Variants in CDH18 observed in about 807,000 individuals in gnomAD.
CDH18 encodes cadherin-18.
A neutral mutation model predicts 67.9 loss-of-function variants in CDH18; 31 were observed. The ratio of observed to expected loss-of-function variants is 0.46; its 90% CI spans 0.34 to 0.62. The LOEUF is 0.62. Among genes scored for constraint, CDH18 ranks in the 20% least tolerant of loss-of-function variants. The probability of loss-of-function intolerance (pLI) is 0.01; values close to 1 mark genes in which losing one functional copy is unlikely to be tolerated. For synonymous variants in CDH18, 362 were observed against 347.2 expected, an observed-to-expected ratio of 1.04 and a Z score of -0.48; for missense variants, 890 against 975.5, an observed-to-expected ratio of 0.91 and a Z score of 1.17.
chr5:20,298,328 G>A (rs1302526203), intron 1 of CDH18, among the ~76,000 whole-genome samples: 9 of 152,100 alleles, frequency 5.9e-5, no homozygotes, highest in East Asian at 5.8e-4. Context: ...GGTAACTTAC[G>A]GTGCAACAGA....
chr5:19,894,987 C>T (rs1433544927), intron 2 of CDH18, among the ~76,000 whole-genome samples: 1 of 152,102 alleles, frequency 6.6e-6, no homozygotes, highest in Non-Finnish European at 1.5e-5. Context: ...GTTCTCATTG[C>T]AAATGTTTAG....
intron 3 of CDH18, among the ~76,000 whole-genome samples, chr5:19,823,945 A>G (rs1780150034): frequency 6.6e-6 from 1 of 152,200 alleles, no homozygotes; most frequent in Non-Finnish European, 1.5e-5. Context: ...ACACAATTAC[A>G]TGAAAGTTAA....
rs371861478 is a variant in CDH18, at chr5:19,517,578, C to T, written c.1512+3079G>A. Among the ~76,000 whole-genome samples, 139 of 151,994 alleles carry T rather than the reference C, an allele frequency of 9.1e-4. 2 individuals are homozygous for T. The South Asian group carries it at 0.028, about 31-fold the overall frequency. On this transcript the variant is annotated intron_variant, in intron 10 of 12. Coordinates refer to ENST00000382275, the MANE Select transcript of CDH18 (RefSeq NM_004934.5). ...GATTGTGGTATCACCTATCTTTTTTCTCTTGCTGCTTTTACTTTTGCTAAT... is the reference window on the plus strand; with the variant it reads ...GATTGTGGTATCACCTATCTTTTTTTTCTTGCTGCTTTTACTTTTGCTAAT...
At chr5:19,870,564 C>A (rs1786147956) in intron 2 of CDH18, among the ~76,000 whole-genome samples, 1 of 152,056 alleles carries the variant, frequency 6.6e-6, no homozygotes, top group Non-Finnish European at 1.5e-5. Flanking sequence ...CAAATGCTTG[C>A]AGAGAATAAG....
intron 8 of CDH18, 127 bp downstream of exon 8, chr5:19,571,452 T>G: frequency 1.2e-6 from 1 of 846,550 alleles, no homozygotes; most frequent in Non-Finnish European, 1.7e-6. Flanking sequence ...ATTAATATTA[T>G]AATTTAATTA....
At chr5:20,054,073 G>A (rs539929934) in intron 2 of CDH18, among the ~76,000 whole-genome samples, 1 of 152,122 alleles carries the variant, frequency 6.6e-6, no homozygotes, top group South Asian at 2.1e-4. Context: ...TTCGTATTAG[G>A]GGCTGTTTTT....
In CDH18 at chr5:19,510,812, AT is replaced by A. The variant is rs34739655; in HGVS notation, c.1513-7704del. ...TGTTAGTGAGTTCTCAGGAGATCTG[AT>A]TTTTTTTTTTTTTCTGAGACCAAGT... On this transcript the variant is annotated intron_variant, in intron 10 of 12. Coordinates refer to ENST00000382275, the MANE Select transcript of CDH18 (RefSeq NM_004934.5). 4.8e-3 allele frequency among the ~76,000 whole-genome samples: 690 copies of A among 144,164 alleles called. 3 individuals are homozygous for A. Among genetic ancestry groups the A allele is most frequent in the East Asian group, 0.025 (121 of 4,800 alleles). 94.6% of individuals were successfully genotyped at this position (144,164 alleles called of 152,430 possible). A position where few individuals can be genotyped will look rare whatever the true frequency, so the allele number is the denominator to read the frequency against.
chr5:19,490,730 T>C (rs542480272), intron 11 of CDH18, among the ~76,000 whole-genome samples: 74 of 152,218 alleles, frequency 4.9e-4, no homozygotes, highest in African/African-American at 1.7e-3. Context: ...GCAATGTTTT[T>C]GTTTTGTTTT....
At chr5:20,095,596 G>GAAAGAAAGAAAGA (rs372447959) in intron 2 of CDH18, among the ~76,000 whole-genome samples, 6 of 10,980 alleles carry the variant, frequency 5.5e-4, no homozygotes, top group Admixed American at 4.0e-3. Flanking sequence ...AAGGAAGAAA[G>GAAAGAAAGAAAGA]AAGAAAGAAA....
At chr5:20,250,730 T>C (rs373214076) in intron 2 of CDH18, among the ~76,000 whole-genome samples, 2 of 150,472 alleles carry the variant, frequency 1.3e-5, no homozygotes, top group East Asian at 4.0e-4. Context: ...CTCAACCTCC[T>C]GAGTAGCTGG....
intron 3 of CDH18, among the ~76,000 whole-genome samples, chr5:19,786,637 C>G (rs1240211029): frequency 6.6e-6 from 1 of 152,126 alleles, no homozygotes; most frequent in Non-Finnish European, 1.5e-5. Context: ...CTTCAATGTT[C>G]CTGATAATAT....
chr5:20,440,361 TA>T (rs1749517968), intron 1 of CDH18, among the ~76,000 whole-genome samples: 1 of 151,696 alleles, frequency 6.6e-6, no homozygotes, highest in Admixed American at 6.6e-5. Context: ...TAGTGAAAGG[TA>T]AGTGGTGTGG....
chr5:20,442,526 T>A (rs1321925166), intron 1 of CDH18, among the ~76,000 whole-genome samples: 1 of 151,932 alleles, frequency 6.6e-6, no homozygotes, highest in African/African-American at 2.4e-5. Flanking sequence ...TAATGGCAGT[T>A]GGCCCTGAGA....
At chr5:19,845,859 T>C (rs1581618143) in intron 2 of CDH18, among the ~76,000 whole-genome samples, 2 of 151,784 alleles carry the variant, frequency 1.3e-5, no homozygotes. Flanking sequence ...ATGGAATATA[T>C]ATATATGTAT....
At chr5:19,749,124 C>T (rs925014773) in intron 3 of CDH18, among the ~76,000 whole-genome samples, 1 of 151,940 alleles carries the variant, frequency 6.6e-6, no homozygotes, top group Admixed American at 6.6e-5. Context: ...AGAAAAGATT[C>T]ATCTTTCATG....
intron 6 of CDH18, among the ~76,000 whole-genome samples, chr5:19,609,838 T>C (rs1463724832): frequency 6.6e-6 from 1 of 152,038 alleles, no homozygotes. Flanking sequence ...TGACAGGATA[T>C]GAACTTTATA....
chr5:19,987,147 C>A (rs1799645934), intron 1 of CDH18, among the ~76,000 whole-genome samples: 1 of 151,944 alleles, frequency 6.6e-6, no homozygotes, highest in Non-Finnish European at 1.5e-5. Flanking sequence ...ACATTAAATG[C>A]AATGAGACAT....
At chr5:20,060,472 A>C (rs1464556295) in intron 2 of CDH18, among the ~76,000 whole-genome samples, 1 of 151,554 alleles carries the variant, frequency 6.6e-6, no homozygotes, top group African/African-American at 2.4e-5. Context: ...TCAAAAAAAG[A>C]AAAAAAAAGA....
At chr5:20,450,417 ATTTTG>A (rs1041583836) in intron 1 of CDH18, among the ~76,000 whole-genome samples, 18 of 152,288 alleles carry the variant, frequency 1.2e-4, no homozygotes, top group East Asian at 5.8e-4. Context: ...ATGGGATTGT[ATTTTG>A]TTTTAAGTAC....
Sources: gnomAD v4.1 joint callset for allele counts (sites outside exome capture counted in the v4.1 genomes callset) on GRCh38, gnomAD v4.1.1 for gene constraint, MANE v1.5 for transcripts, NCBI Gene and HGNC (gene_info 2026-07-23, HGNC 2026-07-21) for gene names.